WWTR1: variants seen among roughly 807,000 people sequenced by gnomAD.
The protein encoded by WWTR1 is WW domain containing transcription regulator 1, also known as WW domain-containing transcription regulator protein 1.
In WWTR1, 13 loss-of-function variants were observed where a neutral mutation model predicts 40.1. The observed-to-expected ratio is 0.32, with a 90% confidence interval of 0.21 to 0.52. WWTR1 has a LOEUF of 0.52. Ranked by LOEUF, WWTR1 falls within the 20% of genes least tolerant of loss-of-function variation. WWTR1 has a pLI of 0.97. For synonymous variants in WWTR1, 230 were observed against 210.1 expected (o/e 1.09, Z -0.82); for missense variants, 436 against 523.1 (o/e 0.83, Z 1.63).
At chr3:149,575,902 A>G (rs1215223214) in intron 2 of WWTR1, 3 of 450,996 alleles carry the variant, frequency 6.7e-6, no homozygotes, top group Non-Finnish European at 1.3e-5. Flanking sequence ...GAGCTTACCC[A>G]TGGCTTGAAG....
intron 5 of WWTR1, among the ~76,000 whole-genome samples, chr3:149,715,832 T>C (rs1715595302): frequency 6.6e-6 from 1 of 152,188 alleles, no homozygotes; most frequent in East Asian, 1.9e-4. Flanking sequence ...ATCACAAAAA[T>C]AGTAAAAATA....
intron 1 of WWTR1, among the ~76,000 whole-genome samples, chr3:149,683,911 T>C (rs1714544107): frequency 6.6e-6 from 1 of 152,094 alleles, no homozygotes. Flanking sequence ...GCAAGAGCCA[T>C]TGACGACCTC....
chr3:149,664,125 G>T (rs34797842), intron 2 of WWTR1, among the ~76,000 whole-genome samples: 8,882 of 152,314 alleles, frequency 0.058, 302 homozygotes, highest in Non-Finnish European at 0.081. Flanking sequence ...AAACTTGGTG[G>T]GGTGGCTAAG....
chr3:149,627,948 C>T (rs1415185802), intron 2 of WWTR1, among the ~76,000 whole-genome samples: 2 of 152,022 alleles, frequency 1.3e-5, no homozygotes, highest in African/African-American at 2.4e-5. Flanking sequence ...TAGCACATGT[C>T]TGTAATCCCA....
chr3:149,682,797 C>T (rs1714502273), intron 1 of WWTR1, among the ~76,000 whole-genome samples: 1 of 152,068 alleles, frequency 6.6e-6, no homozygotes, highest in Admixed American at 6.5e-5. Flanking sequence ...ATCTCCCCAC[C>T]CTAGGTAGAA....
chr3:149,642,153 G>A (rs1000009609), intron 2 of WWTR1, among the ~76,000 whole-genome samples: 14 of 152,210 alleles, frequency 9.2e-5, no homozygotes, highest in Non-Finnish European at 1.3e-4. Flanking sequence ...GGGCGTGGTG[G>A]CTCACACCTG....
chr3:149,704,522 A>G (rs1285412791), upstream of WWTR1, among the ~76,000 whole-genome samples: 1 of 152,232 alleles, frequency 6.6e-6, no homozygotes, highest in East Asian at 1.9e-4. Context: ...ACAGATTTGA[A>G]AAAAGGCTTA....
chr3:149,667,300 A>T (rs1374890614), intron 2 of WWTR1, among the ~76,000 whole-genome samples: 1 of 146,496 alleles, frequency 6.8e-6, no homozygotes, highest in African/African-American at 2.5e-5. Context: ...TAATCCCAGC[A>T]CTTTGGGAGG....
intron 1 of WWTR1, among the ~76,000 whole-genome samples, chr3:149,677,074 G>A (rs555377012): frequency 2.0e-5 from 3 of 151,952 alleles, no homozygotes; most frequent in Admixed American, 6.6e-5. Flanking sequence ...GCGCCACCAC[G>A]CCCAGCTAAT....
intron 2 of WWTR1, among the ~76,000 whole-genome samples, chr3:149,619,298 A>G (rs923847802): frequency 6.6e-6 from 1 of 152,166 alleles, no homozygotes; most frequent in Non-Finnish European, 1.5e-5. Context: ...AGGAGTTTCT[A>G]CGAGGCAGTG....
rs139228570 is a variant in WWTR1, at chr3:149,656,989, G to T, written c.318C>A (p.Pro106=). The stretch of plus-strand genomic sequence containing the variant: ...GGCGGAGGTGCGCGTGCTGCTGCGC[G>T]GGGCTACCCGCAGCACCCGCGCCGG... ...LGTGAGAAGS[P]AQQHAHLRQQ... is the part of the protein sequence containing the mutation. Residue 106 remains proline, a synonymous_variant, in exon 2 of 7, where the codon CCC becomes CCA. Coordinates refer to ENST00000360632, the MANE Select transcript of WWTR1 (RefSeq NM_015472.6). 5.6e-6 allele frequency: 9 copies of T among 1,598,738 alleles called. No homozygotes were observed. The highest frequency in any genetic ancestry group is 7.6e-6 in the Non-Finnish European group (9 of 1,176,836).
At chr3:149,521,968 T>C (rs981167753) in intron 6 of WWTR1, among the ~76,000 whole-genome samples, 1 of 152,212 alleles carries the variant, frequency 6.6e-6, no homozygotes, top group Non-Finnish European at 1.5e-5. Flanking sequence ...CATTGATATA[T>C]ACAAAGTTAT....
chr3:149,695,883 C>T (rs547978194), intron 1 of WWTR1, among the ~76,000 whole-genome samples: 5 of 150,132 alleles, frequency 3.3e-5, no homozygotes, highest in African/African-American at 4.9e-5. Flanking sequence ...GAGGCCGAGG[C>T]GGGTGGATCA....
intron 5 of WWTR1, among the ~76,000 whole-genome samples, chr3:149,527,623 C>A (rs1474668579): frequency 6.6e-6 from 1 of 152,162 alleles, no homozygotes; most frequent in Non-Finnish European, 1.5e-5. Context: ...TACTCTACGT[C>A]CTATCACCAA....
At chr3:149,561,000 T>G (rs1737058652) in intron 3 of WWTR1, among the ~76,000 whole-genome samples, 1 of 150,296 alleles carries the variant, frequency 6.7e-6, no homozygotes, top group Non-Finnish European at 1.5e-5. Context: ...CTTTAGACAA[T>G]TCCTTAGTTT....
rs921827996 is a variant in WWTR1 at position 149,657,282 on chromosome 3, G to A, written c.25C>T (p.Pro9Ser). The change falls in exon 2 of 7, where the codon CCG (proline) becomes TCG (serine). Residue 9 changes from proline to serine, a missense_variant. Transcript: ENST00000360632. MNPASAPP[P>S]LPPPGQQVIH... ...ACTTGCTGCCCAGGCGGCGGGAGCGGAGGGGGCGCCGAGGCCGGATTCATC... is the reference window on the plus strand; with the variant it reads ...ACTTGCTGCCCAGGCGGCGGGAGCGAAGGGGGCGCCGAGGCCGGATTCATC... The A allele has an allele frequency of 1.2e-6, 2 of 1,612,610 alleles. No individual in the cohort carries two copies. Among genetic ancestry groups the A allele is most frequent in the East Asian group, 2.2e-5 (1 of 44,882 alleles).
chr3:149,715,744 T>C (rs1368065297), intron 5 of WWTR1, among the ~76,000 whole-genome samples: 3 of 152,044 alleles, frequency 2.0e-5, no homozygotes, highest in Non-Finnish European at 4.4e-5. Flanking sequence ...TCACATAGAG[T>C]TGGGATATAA....
chr3:149,531,783 A>G (rs1008307011), intron 4 of WWTR1, among the ~76,000 whole-genome samples: 2 of 152,130 alleles, frequency 1.3e-5, no homozygotes, highest in Admixed American at 1.3e-4. Flanking sequence ...CTTTCCTACT[A>G]GAATGTAAGC....
chr3:149,526,767 A>G (rs1218264200), intron 5 of WWTR1, among the ~76,000 whole-genome samples: 1 of 152,188 alleles, frequency 6.6e-6, no homozygotes, highest in African/African-American at 2.4e-5. Flanking sequence ...TTTTATCTCT[A>G]TCTTTAATAA....
Sources: allele counts gnomAD v4.1 joint callset (sites outside exome capture counted in the v4.1 genomes callset), GRCh38; gene constraint gnomAD v4.1.1; transcripts MANE v1.5; gene names NCBI Gene and HGNC (gene_info 2026-07-23, HGNC 2026-07-21).